Variants in CMIP observed in about 807,000 individuals in gnomAD.
The protein encoded by CMIP is C-Maf-inducing protein.
In CMIP, 13 loss-of-function variants were observed where a neutral mutation model predicts 97.3. The ratio of observed to expected loss-of-function variants is 0.13; its 90% CI spans 0.09 to 0.21. The LOEUF (loss-of-function observed/expected upper bound fraction) is 0.21, where lower values mean the gene tolerates loss of function less well. Ranked by LOEUF, CMIP falls within the 10% of genes least tolerant of loss-of-function variation. The pLI is 1.00. For missense variants in CMIP, 847 were observed against 1,024.9 expected (o/e 0.83, Z 2.37); for synonymous variants, 538 against 436.3 (o/e 1.23, Z -2.91).
intron 9 of CMIP, among the ~76,000 whole-genome samples, chr16:81,676,101 G>A (rs142029075): frequency 6.6e-6 from 1 of 152,196 alleles, no homozygotes; most frequent in African/African-American, 2.4e-5. Flanking sequence ...CCTGGGGAAC[G>A]GTTAGGTGGC....
chr16:81,524,216 A>G, intron 1 of CMIP, among the ~76,000 whole-genome samples: 1 of 152,220 alleles, frequency 6.6e-6, no homozygotes, highest in Admixed American at 6.5e-5. Context: ...GGGGTCAGAC[A>G]GAGCTGGATT....
At chr16:81,650,239 C>T (rs1171992420) in intron 3 of CMIP, among the ~76,000 whole-genome samples, 2 of 152,202 alleles carry the variant, frequency 1.3e-5, no homozygotes, top group Non-Finnish European at 2.9e-5. Flanking sequence ...CCTGGTCTTT[C>T]CCCTCCCGCT....
At chr16:81,645,949 G>A (rs2092359851) in intron 3 of CMIP, among the ~76,000 whole-genome samples, 2 of 152,172 alleles carry the variant, frequency 1.3e-5, no homozygotes, top group African/African-American at 4.8e-5. Flanking sequence ...ATGAGCACCG[G>A]GGCTTGTCTG....
intron 9 of CMIP, among the ~76,000 whole-genome samples, chr16:81,674,590 GCTT>G (rs1567653270): frequency 6.6e-6 from 1 of 152,174 alleles, no homozygotes; most frequent in East Asian, 1.9e-4. Flanking sequence ...GCAGATCAGG[GCTT>G]CTTTTTTTTT....
intron 19 of CMIP, among the ~76,000 whole-genome samples, chr16:81,706,523 T>C (rs1908160710): frequency 1.3e-5 from 2 of 152,202 alleles, no homozygotes; most frequent in Admixed American, 1.3e-4. Context: ...ACAGCACAGA[T>C]TCCTGGTCCC....
At chr16:81,594,780 A>AT (rs570057427) in intron 1 of CMIP, among the ~76,000 whole-genome samples, 3,890 of 114,924 alleles carry the variant, frequency 0.034, 67 homozygotes, top group African/African-American at 0.059. Context: ...CGCCCAGCTA[A>AT]TTTTTTTTTT....
intron 1 of CMIP, among the ~76,000 whole-genome samples, chr16:81,547,723 C>T (rs2090574655): frequency 6.6e-6 from 1 of 152,040 alleles, no homozygotes; most frequent in African/African-American, 2.4e-5. Context: ...AGGAAATGGC[C>T]CCTCTTCCCT....
At chr16:81,534,893 C>A (rs2090312053) in intron 1 of CMIP, among the ~76,000 whole-genome samples, 1 of 152,174 alleles carries the variant, frequency 6.6e-6, no homozygotes. Flanking sequence ...CTGTTAGTTA[C>A]CACTGATATA....
chr16:81,702,999 G>C (rs1672571300), intron 17 of CMIP, among the ~76,000 whole-genome samples: 1 of 152,106 alleles, frequency 6.6e-6, no homozygotes, highest in Non-Finnish European at 1.5e-5. Flanking sequence ...TATCCTCACA[G>C]CAACCCTTGG....
intron 1 of CMIP, chr16:81,476,116 G>A (rs1416396594): frequency 6.8e-6 from 6 of 878,106 alleles, no homozygotes; most frequent in African/African-American, 3.3e-5. Context: ...CAGTCTTCAC[G>A]TCTTCTTTCA....
intron 1 of CMIP, among the ~76,000 whole-genome samples, chr16:81,581,566 G>A (rs764948435): frequency 5.3e-5 from 8 of 152,172 alleles, no homozygotes; most frequent in Non-Finnish European, 7.3e-5. Context: ...GTGGTCCATC[G>A]TGACCAGAAC....
intron 1 of CMIP, among the ~76,000 whole-genome samples, chr16:81,514,692 G>A (rs1418349070): frequency 6.6e-6 from 1 of 152,118 alleles, no homozygotes; most frequent in East Asian, 1.9e-4. Context: ...TTATAACCTG[G>A]GTCCCCGTGG....
intron 1 of CMIP, among the ~76,000 whole-genome samples, chr16:81,446,688 G>A (rs1905865935): frequency 6.6e-6 from 1 of 152,178 alleles, no homozygotes; most frequent in African/African-American, 2.4e-5. Context: ...CCAGGAAATA[G>A]GGTGTCGCTT....
intron 1 of CMIP, among the ~76,000 whole-genome samples, chr16:81,493,381 C>A (rs554909907): frequency 7.4e-6 from 1 of 136,016 alleles, no homozygotes; most frequent in East Asian, 2.3e-4. Flanking sequence ...CGTTACCTGT[C>A]GTTACCTGTT....
chr16:81,481,590 C>A (rs939986463), intron 1 of CMIP, among the ~76,000 whole-genome samples: 3 of 152,158 alleles, frequency 2.0e-5, no homozygotes, highest in Admixed American at 1.3e-4. Context: ...CAACTGAGGT[C>A]TTGGGGGGAT....
At chr16:81,600,393 A>G (rs973321548) in intron 1 of CMIP, among the ~76,000 whole-genome samples, 11 of 152,178 alleles carry the variant, frequency 7.2e-5, no homozygotes, top group African/African-American at 2.7e-4. Context: ...TGCCCATACA[A>G]TGGAATGTCA....
At chr16:81,547,827 G>A (rs1250168361) in intron 1 of CMIP, among the ~76,000 whole-genome samples, 1 of 152,200 alleles carries the variant, frequency 6.6e-6, no homozygotes, top group Non-Finnish European at 1.5e-5. Flanking sequence ...ATTGGACACT[G>A]GGACCCTTGG....
In CMIP at chr16:81,445,221, G is replaced by GC. The variant is rs964389674; in HGVS notation, c.-16dup. ...GGACAGCCCCCTCTCCCCGCCCCCA[G>GC]CCCCCTCCCCCGGCGCGGCCATGGA... On this transcript the variant is annotated 5_prime_UTR_variant, in exon 1 of 21. Coordinates refer to ENST00000537098, the MANE Select transcript of CMIP (RefSeq NM_198390.3). The GC allele has an allele frequency of 6.5e-6, 7 of 1,083,886 alleles. No individual in the cohort carries two copies. Among genetic ancestry groups the GC allele is most frequent in the Non-Finnish European group, 8.8e-6 (7 of 795,144 alleles). The allele number at this position is 1,083,886 out of a possible 1,614,324, so 67.1% of individuals were successfully genotyped here. A position where few individuals can be genotyped will look rare whatever the true frequency, so the allele number is the denominator to read the frequency against.
chr16:81,580,110 AG>A (rs2091270691), intron 1 of CMIP, among the ~76,000 whole-genome samples: 1 of 152,204 alleles, frequency 6.6e-6, no homozygotes, highest in Non-Finnish European at 1.5e-5. Flanking sequence ...TCTCCCCTTA[AG>A]ATGGAGGCAG....
Sources: allele counts gnomAD v4.1 joint callset (sites outside exome capture counted in the v4.1 genomes callset), GRCh38; gene constraint gnomAD v4.1.1; transcripts MANE v1.5; gene names NCBI Gene and HGNC (gene_info 2026-07-23, HGNC 2026-07-21).